GNA14: variants seen among roughly 807,000 people sequenced by gnomAD.
GNA14 encodes the protein guanine nucleotide-binding protein subunit alpha-14.
A neutral mutation model predicts 42.0 loss-of-function variants in GNA14; 50 were observed. That is an observed-to-expected ratio of 1.19 (90% CI 0.95 to 1.51). The LOEUF (loss-of-function observed/expected upper bound fraction) is 1.51, where lower values mean the gene tolerates loss of function less well. Ranked by LOEUF, GNA14 falls within the 40% of genes most tolerant of loss-of-function variation. The pLI is 0.00. For synonymous variants in GNA14, 173 were observed against 163.1 expected, an observed-to-expected ratio of 1.06 and a Z score of -0.46; for missense variants, 473 against 446.2, an observed-to-expected ratio of 1.06 and a Z score of -0.54.
chr9:77,475,380 T>C (rs1334920337), intron 2 of GNA14, among the ~76,000 whole-genome samples: 1 of 152,088 alleles, frequency 6.6e-6, no homozygotes, highest in Non-Finnish European at 1.5e-5. Context: ...TGAAAAGGCT[T>C]AGTTGGATGA....
chr9:77,453,813 T>C (rs1835953391), intron 2 of GNA14, among the ~76,000 whole-genome samples: 2 of 152,200 alleles, frequency 1.3e-5, no homozygotes, highest in Non-Finnish European at 2.9e-5. Flanking sequence ...GCTTTTGATA[T>C]GCTAGTTTTA....
At chr9:77,603,956 C>CAAAAAA (rs67044542) in intron 1 of GNA14, among the ~76,000 whole-genome samples, 23 of 81,608 alleles carry the variant, frequency 2.8e-4, no homozygotes, top group South Asian at 5.2e-4. Context: ...AAAAAAAAAA[C>CAAAAAA]AAAAAAAAAA....
intron 1 of GNA14, among the ~76,000 whole-genome samples, chr9:77,639,284 CACTG>C (rs1242429966): frequency 6.6e-6 from 1 of 152,178 alleles, no homozygotes; most frequent in Non-Finnish European, 1.5e-5. Context: ...AAATAAATAG[CACTG>C]ACTATGTGCC....
chr9:77,646,457 G>A (rs1472274201), intron 1 of GNA14, among the ~76,000 whole-genome samples: 1 of 152,000 alleles, frequency 6.6e-6, no homozygotes, highest in Non-Finnish European at 1.5e-5. Flanking sequence ...ACCCCCAGAA[G>A]GCCAGACTGG....
chr9:77,424,541 T>G (rs1186374812), intron 6 of GNA14, among the ~76,000 whole-genome samples: 1 of 152,210 alleles, frequency 6.6e-6, no homozygotes, highest in Non-Finnish European at 1.5e-5. Flanking sequence ...CATTTTTTAA[T>G]GTATTCTTGT....
intron 1 of GNA14, among the ~76,000 whole-genome samples, chr9:77,574,405 G>A (rs979654135): frequency 3.3e-5 from 5 of 152,152 alleles, no homozygotes; most frequent in Admixed American, 2.6e-4. Flanking sequence ...CTTCCTTCCC[G>A]GACTGCCATG....
intron 2 of GNA14, among the ~76,000 whole-genome samples, chr9:77,460,774 G>A (rs1836090229): frequency 1.3e-5 from 2 of 152,180 alleles, no homozygotes; most frequent in Non-Finnish European, 2.9e-5. Context: ...GTGTGCCCAA[G>A]AATGAAAAGA....
At chr9:77,454,543 A>C (rs1408431004) in intron 2 of GNA14, among the ~76,000 whole-genome samples, 1 of 150,816 alleles carries the variant, frequency 6.6e-6, no homozygotes, top group African/African-American at 2.4e-5. Flanking sequence ...GAACAGATGA[A>C]ATTCTTTTAT....
At chr9:77,460,543 C>T (rs1836085987) in intron 2 of GNA14, among the ~76,000 whole-genome samples, 1 of 152,200 alleles carries the variant, frequency 6.6e-6, no homozygotes, top group South Asian at 2.1e-4. Context: ...TGGCAAAACT[C>T]TGGACAGACG....
chr9:77,590,237 G>A (rs1009966474), intron 1 of GNA14, among the ~76,000 whole-genome samples: 1 of 152,080 alleles, frequency 6.6e-6, no homozygotes, highest in Non-Finnish European at 1.5e-5. Context: ...TTTAAGCTCA[G>A]CAAAACTCCC....
In GNA14 at chr9:77,630,708, T is replaced by A. The variant is rs12338862; in HGVS notation, c.124+16962A>T. 9.1e-3 allele frequency among the ~76,000 whole-genome samples: 1,389 copies of A among 151,806 alleles called. 25 individuals are homozygous for A. The highest frequency in any genetic ancestry group is 0.032 in the African/African-American group (1,300 of 41,062). Reference sequence around the variant, plus strand: ...ATGAGCATTAAAGCCTTAGAAAAACTAGTTTTTTTTAGCTTATATTCCGCT... The same window carrying A: ...ATGAGCATTAAAGCCTTAGAAAAACAAGTTTTTTTTAGCTTATATTCCGCT... On this transcript the variant is annotated intron_variant, in intron 1 of 6. Coordinates refer to ENST00000341700, the MANE Select transcript of GNA14 (RefSeq NM_004297.4).
At position 77,621,350 on chromosome 9, in the gene GNA14, T is replaced by C. The variant is rs193123617; in HGVS notation, c.124+26320A>G. Among the ~76,000 whole-genome samples the C allele has an allele frequency of 9.8e-5, 15 of 152,352 alleles. No homozygotes were observed. In the South Asian group the frequency reaches 1.0e-3, roughly 11 times the overall value. The stretch of plus-strand genomic sequence containing the variant: ...TGGTTTGCACCAAGATATAATTACA[T>C]TGTAGATAGAATAGGTTTGATTAGC... On this transcript the variant is annotated intron_variant, in intron 1 of 6. Transcript: ENST00000341700.
chr9:77,427,377 C>G (rs976145142), intron 5 of GNA14, among the ~76,000 whole-genome samples: 1 of 151,766 alleles, frequency 6.6e-6, no homozygotes, highest in African/African-American at 2.4e-5. Flanking sequence ...GCCAGCATTT[C>G]CGTTCTTTGC....
Position 77,641,077 on chromosome 9 carries a change from G to A in GNA14, c.124+6593C>T, listed in dbSNP as rs757307657. On this transcript the variant is annotated intron_variant, in intron 1 of 6. Coordinates refer to ENST00000341700, the MANE Select transcript of GNA14 (RefSeq NM_004297.4). ...AGGAAGGAAGGAGGGGAGGGGAGGGGAGGGGAGGGGAGGGGAGGGGGGGGA... is the reference window on the plus strand; with the variant it reads ...AGGAAGGAAGGAGGGGAGGGGAGGGAAGGGGAGGGGAGGGGAGGGGGGGGA... 2.2e-4 allele frequency among the ~76,000 whole-genome samples: 9 copies of A among 41,044 alleles called. No individual in the cohort carries two copies. The South Asian group carries it at 0.012, about 55-fold the overall frequency. 26.9% of individuals were successfully genotyped at this position (41,044 alleles called of 152,430 possible).
intron 1 of GNA14, among the ~76,000 whole-genome samples, chr9:77,622,329 A>G (rs1278983476): frequency 6.6e-6 from 1 of 152,240 alleles, no homozygotes; most frequent in African/African-American, 2.4e-5. Context: ...AGGAACAGCA[A>G]AAGAATAAGA....
chr9:77,626,761 A>G (rs1030585409), intron 1 of GNA14, among the ~76,000 whole-genome samples: 1 of 152,238 alleles, frequency 6.6e-6, no homozygotes, highest in Non-Finnish European at 1.5e-5. Context: ...TTATAGCACT[A>G]AATGCCCACA....
At chr9:77,425,170 A>C (rs1256660918) in intron 6 of GNA14, among the ~76,000 whole-genome samples, 2 of 152,112 alleles carry the variant, frequency 1.3e-5, no homozygotes, top group Non-Finnish European at 2.9e-5. Flanking sequence ...AGAGGATATG[A>C]CATAGCATGA....
chr9:77,561,704 A>G (rs1822886788), intron 1 of GNA14, among the ~76,000 whole-genome samples: 1 of 152,234 alleles, frequency 6.6e-6, no homozygotes, highest in South Asian at 2.1e-4. Context: ...AATGGACAGT[A>G]GTGATGGTTT....
At chr9:77,545,254 A>C (rs1232797929) in intron 1 of GNA14, among the ~76,000 whole-genome samples, 2 of 151,660 alleles carry the variant, frequency 1.3e-5, no homozygotes, top group Admixed American at 1.3e-4. Context: ...AACAAATGCT[A>C]GTTAAATAAG....
Sources: gnomAD v4.1 joint callset for allele counts (sites outside exome capture counted in the v4.1 genomes callset) on GRCh38, gnomAD v4.1.1 for gene constraint, MANE v1.5 for transcripts, NCBI Gene and HGNC (gene_info 2026-07-23, HGNC 2026-07-21) for gene names.